TRPM5: variants seen among roughly 807,000 people sequenced by gnomAD.
The protein encoded by TRPM5 is MLSN1 and TRP-related.
TRPM5 carries 121 observed loss-of-function variants against 124.9 expected under a neutral mutation model. The ratio of observed to expected loss-of-function variants is 0.97; its 90% confidence interval spans 0.84 to 1.13. TRPM5 has a LOEUF of 1.13. Ranked by LOEUF, TRPM5 falls within the 50% of genes most tolerant of loss-of-function variation. The pLI is 0.00. For missense variants in TRPM5, 1,643 were observed against 1,589.1 expected (o/e 1.03, Z -0.58); for synonymous variants, 781 against 700.5 (o/e 1.11, Z -1.81).
exon 24 of TRPM5, chr11:2,404,666 T>C: frequency 2.0e-6 from 1 of 489,706 alleles, no homozygotes; most frequent in East Asian, 3.6e-5. Context: ...AGTTTCCAGG[T>C]AGGGATGCGG....
At chr11:2,443,073 A>G in the TRPM5 span, among the ~76,000 whole-genome samples, 1 of 152,062 alleles carries the variant, frequency 6.6e-6, no homozygotes, top group African/African-American at 2.4e-5. The surrounding 1 kb of genome is among the most constrained non-coding windows in gnomAD (Gnocchi z 5.0). Flanking sequence ...TTGCTTTTGG[A>G]TTTCAAGTCA....
chr11:2,411,607 G>T, intron 17 of TRPM5, 28 bp downstream of exon 22: 1 of 1,607,076 alleles, frequency 6.2e-7, no homozygotes. Context: ...TCCCTCCAGG[G>T]CCAGGGCCAG....
exon 1 of TRPM5, chr11:2,423,009 C>T (rs139404126): frequency 3.8e-5 from 62 of 1,612,392 alleles, no homozygotes; most frequent in East Asian, 2.9e-4. Flanking sequence ...CCGGGGCTTC[C>T]GGGACGGGGG....
chr11:2,419,985 C>T (rs1416291832), intron 4 of TRPM5, among the ~76,000 whole-genome samples: 5 of 152,126 alleles, frequency 3.3e-5, no homozygotes, highest in Non-Finnish European at 7.3e-5. Context: ...ACTGTCCAGT[C>T]AGAGCCACTC....
rs753276400 is a variant in TRPM5, at chr11:2,406,669, G to A, written c.3243C>T (p.Thr1081=). The change falls in exon 21 of 24, where the codon ACC becomes ACT. Residue 1081 remains threonine (T), a synonymous_variant. Transcript: ENST00000155858. ...AGGACAGGCCCCCGCACCTGTGGGC[G>A]GTTTTCCGCAGCACCTCCCCCTCGC... The A allele has an allele frequency of 3.7e-5, 60 of 1,610,264 alleles. No individual in the cohort carries two copies. In the South Asian group the frequency reaches 4.6e-4, roughly 12 times the overall value.
intron 13 of TRPM5, 86 bp from the exon 19 acceptor site, chr11:2,413,312 C>A: frequency 7.2e-7 from 1 of 1,382,092 alleles, no homozygotes. Context: ...TCAAAGTGCC[C>A]ACTGGGATGC....
At chr11:2,431,415 A>G in the TRPM5 span, among the ~76,000 whole-genome samples, 1 of 152,130 alleles carries the variant, frequency 6.6e-6, no homozygotes, top group Non-Finnish European at 1.5e-5. Flanking sequence ...TGTCTGTGGT[A>G]TGTGAATAAT....
chr11:2,428,095 A>C, the TRPM5 span, among the ~76,000 whole-genome samples: 6 of 151,916 alleles, frequency 3.9e-5, no homozygotes, highest in Admixed American at 2.0e-4. This position sits in a 1 kb window ranked among gnomAD's most constrained non-coding sequence, Gnocchi z 4.0. Context: ...GGAATCCCGC[A>C]GTCCTGGGAT....
chr11:2,412,550 C>T (rs1437117460), intron 15 of TRPM5, among the ~76,000 whole-genome samples: 1 of 152,370 alleles, frequency 6.6e-6, no homozygotes, highest in South Asian at 2.1e-4. Flanking sequence ...CGAGGGAGAC[C>T]ATGGTCATGC....
chr11:2,420,967 C>T, intron 3 of TRPM5, 65 bp downstream of exon 8: 1 of 1,471,364 alleles, frequency 6.8e-7, no homozygotes, highest in Non-Finnish European at 9.0e-7. Context: ...GCCCGCTGCC[C>T]AAACCCTTCT....
chr11:2,429,781 G>C, the TRPM5 span, among the ~76,000 whole-genome samples: 1 of 152,000 alleles, frequency 6.6e-6, no homozygotes, highest in Non-Finnish European at 1.5e-5. This position sits in a 1 kb window ranked among gnomAD's most constrained non-coding sequence, Gnocchi z 8.4. Context: ...GTTTGGCTCT[G>C]TGTTCCCTTC....
chr11:2,434,260 T>C, the TRPM5 span, among the ~76,000 whole-genome samples: 2 of 151,600 alleles, frequency 1.3e-5, no homozygotes, highest in East Asian at 1.9e-4. Context: ...ACACTGTGTG[T>C]GCGTCTGTGT....
intron 10 of TRPM5, 34 bp from the exon 16 acceptor site, chr11:2,414,872 C>A (rs1211603125): frequency 1.3e-6 from 2 of 1,592,892 alleles, no homozygotes; most frequent in East Asian, 2.3e-5. Flanking sequence ...CCGCCCCTCC[C>A]CTGCCCCCGC....
At chr11:2,439,560 C>A in the TRPM5 span, among the ~76,000 whole-genome samples, 2 of 152,316 alleles carry the variant, frequency 1.3e-5, no homozygotes, top group Non-Finnish European at 2.9e-5. Flanking sequence ...ATGCGGTCAA[C>A]AAGCATATAA....
chr11:2,422,384 G>A, intron 1 of TRPM5, 63 bp from the exon 7 acceptor site: 3 of 1,404,812 alleles, frequency 2.1e-6, no homozygotes, highest in Non-Finnish European at 2.0e-6. Flanking sequence ...GCTGGGCATT[G>A]GGGGGGGCTG....
chr11:2,407,162 G>A (rs765527885), exon 20 of TRPM5: 6 of 1,610,540 alleles, frequency 3.7e-6, no homozygotes, highest in Middle Eastern at 1.7e-4. Context: ...TGAAGACCCG[G>A]CGGAGCGTCA....
Position 2,416,032 on chromosome 11 carries a change from C to T in TRPM5, c.1010-8G>A, listed in dbSNP as rs1345724060. On this transcript the variant is annotated splice_polypyrimidine_tract_variant and splice_region_variant and intron_variant, in intron 7 of 23. Coordinates refer to ENST00000155858, the Ensembl canonical transcript of TRPM5. Reference sequence around the variant, plus strand: ...GGCTGTGGCTCTTGCAGGCTGTGGGCAGAGCAGGCAGGCACTGGTGAGGGT... The same window carrying T: ...GGCTGTGGCTCTTGCAGGCTGTGGGTAGAGCAGGCAGGCACTGGTGAGGGT... 4.4e-6 allele frequency: 7 copies of T among 1,589,764 alleles called. No individual in the cohort carries two copies. The highest frequency in any genetic ancestry group is 1.1e-5 in the South Asian group (1 of 87,928).
At chr11:2,417,147 G>A (rs967454767) in intron 7 of TRPM5, among the ~76,000 whole-genome samples, 3 of 152,142 alleles carry the variant, frequency 2.0e-5, no homozygotes, top group Non-Finnish European at 4.4e-5. Flanking sequence ...CCCACCTCAC[G>A]AATATACTAA....
chr11:2,404,916 A>G (rs1271056782), exon 24 of TRPM5: 4 of 1,598,612 alleles, frequency 2.5e-6, no homozygotes, highest in Admixed American at 1.7e-5. Context: ...AGGTGGCCCC[A>G]CACGTGGCAG....
Sources: gnomAD v4.1 joint callset for allele counts (sites outside exome capture counted in the v4.1 genomes callset) on GRCh38, gnomAD v4.1.1 for gene constraint, Gnocchi (gnomAD v3.1) non-coding constraint, MANE v1.5 for transcripts, NCBI Gene and HGNC (gene_info 2026-07-23, HGNC 2026-07-21) for gene names.